The following WDPCP variants were observed in gnomAD, a reference collection of about 807,000 sequenced individuals.
WDPCP encodes the protein WD repeat containing planar cell polarity effector.
Under a neutral mutation model 93.1 loss-of-function variants are expected in WDPCP, and 71 were observed. The ratio of observed to expected loss-of-function variants is 0.76; its 90% CI spans 0.63 to 0.93. The LOEUF (loss-of-function observed/expected upper bound fraction) is 0.93, where lower values mean the gene tolerates loss of function less well. Among genes scored for constraint, WDPCP ranks in the 40% least tolerant of loss-of-function variants. The pLI is 0.00. For synonymous variants in WDPCP, 315 were observed against 315.0 expected, an observed-to-expected ratio of 1.00 and a Z score of 0.00; for missense variants, 844 against 887.4, an observed-to-expected ratio of 0.95 and a Z score of 0.62.
At chr2:63,536,994 TG>T (rs936626535) in intron 1 of WDPCP, among the ~76,000 whole-genome samples, 2 of 151,964 alleles carry the variant, frequency 1.3e-5, no homozygotes, top group Non-Finnish European at 2.9e-5. Flanking sequence ...CCTCAAACTC[TG>T]GGCCTCAAGT....
intron 2 of WDPCP, among the ~76,000 whole-genome samples, chr2:63,733,220 T>C (rs1463048281): frequency 1.6e-5 from 2 of 124,914 alleles, no homozygotes; most frequent in Non-Finnish European, 3.2e-5. Context: ...TAAGACGGAG[T>C]CTCGCTCTGT....
chr2:63,828,092 A>G (rs1671139570), upstream of WDPCP, among the ~76,000 whole-genome samples: 2 of 152,100 alleles, frequency 1.3e-5, no homozygotes, highest in Admixed American at 6.6e-5. Flanking sequence ...TTTATGTAAC[A>G]ATTGAGAAAT....
intron 1 of WDPCP, among the ~76,000 whole-genome samples, chr2:63,531,056 G>A (rs1003404979): frequency 3.9e-5 from 6 of 152,224 alleles, no homozygotes; most frequent in East Asian, 1.9e-4. Flanking sequence ...CGCCTGGCTC[G>A]CCAGGTCCCA....
At chr2:63,614,132 T>A (rs1419198951) in intron 3 of WDPCP, among the ~76,000 whole-genome samples, 3 of 152,170 alleles carry the variant, frequency 2.0e-5, no homozygotes, top group African/African-American at 7.2e-5. Context: ...TGTCTGTTCT[T>A]TGGGCTCATT....
intron 2 of WDPCP, among the ~76,000 whole-genome samples, chr2:63,777,496 C>T (rs1670321838): frequency 6.6e-6 from 1 of 152,092 alleles, no homozygotes; most frequent in Non-Finnish European, 1.5e-5. Flanking sequence ...TTTGTAATAG[C>T]CCAAAACTGG....
upstream of WDPCP, among the ~76,000 whole-genome samples, chr2:63,828,771 T>C (rs746714640): frequency 3.9e-5 from 6 of 152,160 alleles, no homozygotes; most frequent in African/African-American, 7.2e-5. Flanking sequence ...TCCTATTCAA[T>C]CCATTGCCTG....
Position 63,492,859 on chromosome 2 carries a change from C to A in WDPCP, c.157G>T (p.Ala53Ser). The A allele has an allele frequency of 6.2e-7, 1 of 1,613,340 alleles. No homozygotes were observed. The highest frequency in any genetic ancestry group is 8.5e-7 in the Non-Finnish European group (1 of 1,179,678). Reference sequence around the variant, plus strand: ...AATTAATCCAGAGCTCATTTACCCGCAATGTGTAAGGTATTCTTCAAAGAC... The same window carrying A: ...AATTAATCCAGAGCTCATTTACCCGAAATGTGTAAGGTATTCTTCAAAGAC... ...LWSLKNTLHI[A>S]DRDIGIYQYY... The change falls in exon 2 of 18, where the codon GCG becomes TCG. Residue 53 changes from alanine (A) to serine (S), a missense_variant. Transcript: ENST00000272321.
At chr2:63,606,397 T>C (rs1210507213) in intron 3 of WDPCP, among the ~76,000 whole-genome samples, 1 of 152,180 alleles carries the variant, frequency 6.6e-6, no homozygotes, top group Non-Finnish European at 1.5e-5. Context: ...CAGAATGTTA[T>C]CACTTAATCT....
intron 17 of WDPCP, among the ~76,000 whole-genome samples, chr2:63,125,773 T>C (rs1292547130): frequency 6.6e-6 from 1 of 152,110 alleles, no homozygotes; most frequent in African/African-American, 2.4e-5. Flanking sequence ...CACATCTGGC[T>C]AATTTTTTTG....
intron 3 of WDPCP, among the ~76,000 whole-genome samples, chr2:63,626,975 TAA>T (rs557315558): frequency 8.2e-5 from 11 of 133,450 alleles, no homozygotes; most frequent in Admixed American, 7.5e-5. Context: ...AAAGCATAAT[TAA>T]AAAAAAAAAA....
At chr2:63,388,308 A>C (rs778444148) in intron 10 of WDPCP, among the ~76,000 whole-genome samples, 26 of 152,112 alleles carry the variant, frequency 1.7e-4, no homozygotes, top group Non-Finnish European at 3.7e-4. Context: ...CAGCTGAGGG[A>C]TCTGACTGTT....
intron 2 of WDPCP, among the ~76,000 whole-genome samples, chr2:63,729,240 T>C (rs1411890904): frequency 2.0e-5 from 3 of 152,246 alleles, no homozygotes; most frequent in Admixed American, 2.0e-4. Context: ...TATACATTAA[T>C]GATTTTATTA....
chr2:63,638,738 G>A (rs1243271917), intron 3 of WDPCP, among the ~76,000 whole-genome samples: 4 of 151,460 alleles, frequency 2.6e-5, no homozygotes, highest in African/African-American at 7.3e-5. Context: ...GCAGTGAGTC[G>A]TGATTACACC....
intron 14 of WDPCP, among the ~76,000 whole-genome samples, chr2:63,188,411 A>G (rs760709316): frequency 6.6e-6 from 1 of 151,910 alleles, no homozygotes; most frequent in Non-Finnish European, 1.5e-5. Context: ...TAACTTCAAG[A>G]ACACTGATTC....
At chr2:63,718,114 A>G (rs1669364073) in intron 2 of WDPCP, among the ~76,000 whole-genome samples, 2 of 152,060 alleles carry the variant, frequency 1.3e-5, no homozygotes, top group African/African-American at 4.8e-5. Flanking sequence ...ATGATATGAT[A>G]TATATGATAT....
intron 14 of WDPCP, among the ~76,000 whole-genome samples, chr2:63,230,216 C>G (rs970014165): frequency 6.6e-6 from 1 of 151,444 alleles, no homozygotes; most frequent in Non-Finnish European, 1.5e-5. Context: ...ATAGTTTGCT[C>G]AGAATGATGG....
intron 1 of WDPCP, among the ~76,000 whole-genome samples, chr2:63,506,364 T>G (rs985272308): frequency 2.0e-5 from 3 of 151,484 alleles, no homozygotes; most frequent in African/African-American, 7.3e-5. Flanking sequence ...CAGAGGACCA[T>G]CCAAGAAAAG....
intron 1 of WDPCP, among the ~76,000 whole-genome samples, chr2:63,503,832 A>G (rs1032597635): frequency 2.0e-5 from 3 of 152,082 alleles, no homozygotes; most frequent in African/African-American, 7.2e-5. Context: ...CTTAAATACC[A>G]AAATAATTTG....
At chr2:63,504,702 A>G (rs188298738) in intron 1 of WDPCP, among the ~76,000 whole-genome samples, 1 of 152,094 alleles carries the variant, frequency 6.6e-6, no homozygotes, top group African/African-American at 2.4e-5. Flanking sequence ...AATCCATGGA[A>G]AGGGATATGG....
Sources: allele counts gnomAD v4.1 joint callset (sites outside exome capture counted in the v4.1 genomes callset), GRCh38; gene constraint gnomAD v4.1.1; transcripts MANE v1.5; gene names NCBI Gene and HGNC (gene_info 2026-07-23, HGNC 2026-07-21).